Variants in KIF5C observed in about 807,000 individuals in gnomAD.
KIF5C encodes the protein kinesin heavy chain isoform 5C.
A neutral mutation model predicts 125.2 loss-of-function variants in KIF5C; 18 were observed. That is an observed-to-expected ratio of 0.14 (90% confidence interval 0.10 to 0.21). KIF5C has a LOEUF of 0.21. KIF5C is among the 10% of genes least tolerant of loss of function. The pLI is 1.00. For synonymous variants in KIF5C, 405 were observed against 434.0 expected (o/e 0.93, Z 0.83); for missense variants, 780 against 1,183.8 (o/e 0.66, Z 5.01).
intron 25 of KIF5C, among the ~76,000 whole-genome samples, chr2:149,019,888 A>C (rs1194315722): frequency 6.6e-6 from 1 of 152,190 alleles, no homozygotes; most frequent in Non-Finnish European, 1.5e-5. Context: ...CCTTCTAAAG[A>C]AAGGTGATTT....
intron 16 of KIF5C, among the ~76,000 whole-genome samples, chr2:148,993,764 T>A (rs979696194): frequency 6.6e-5 from 10 of 152,198 alleles, no homozygotes; most frequent in African/African-American, 2.4e-4. Flanking sequence ...CTCTCATTCA[T>A]CCATTCATTT....
chr2:148,942,829 G>T, intron 7 of KIF5C, 69 bp downstream of exon 7: 1 of 1,560,534 alleles, frequency 6.4e-7, no homozygotes, highest in South Asian at 1.2e-5. Flanking sequence ...AACCGAGGGG[G>T]GTGGGGAATT....
chr2:148,898,293 C>G (rs1323139983), intron 1 of KIF5C, among the ~76,000 whole-genome samples: 1 of 152,134 alleles, frequency 6.6e-6, no homozygotes, highest in Non-Finnish European at 1.5e-5. Flanking sequence ...TTGAATGTTA[C>G]CACCAAACCA....
In KIF5C at chr2:148,910,986, G is replaced by A. The variant is rs1681311960; in HGVS notation, c.127-11151G>A. Among the ~76,000 whole-genome samples, 5 of 152,296 alleles carry A rather than the reference G, an allele frequency of 3.3e-5. No individual in the cohort carries two copies. In the South Asian group the frequency reaches 1.0e-3, roughly 32 times the overall value. Reference sequence around the variant, plus strand: ...ACTGGGGATAGTGAAAGGAAGAGGTGGAGGAGAAGGAGGCAGAGAAGACAG... The same window carrying A: ...ACTGGGGATAGTGAAAGGAAGAGGTAGAGGAGAAGGAGGCAGAGAAGACAG... On this transcript the variant is annotated intron_variant, in intron 1 of 25. Transcript: ENST00000435030.
intron 15 of KIF5C, among the ~76,000 whole-genome samples, chr2:148,984,247 T>C (rs183936464): frequency 6.6e-6 from 1 of 152,362 alleles, no homozygotes; most frequent in Admixed American, 6.5e-5. Flanking sequence ...AAGTCTAAAA[T>C]CTTGCCACTC....
At chr2:148,892,245 A>G (rs550928261) in intron 1 of KIF5C, among the ~76,000 whole-genome samples, 3 of 152,342 alleles carry the variant, frequency 2.0e-5, no homozygotes, top group South Asian at 4.1e-4. Flanking sequence ...CTAAACTAGA[A>G]TTTCTCCGAG....
chr2:148,897,771 T>C (rs1680727156), intron 1 of KIF5C, among the ~76,000 whole-genome samples: 1 of 151,244 alleles, frequency 6.6e-6, no homozygotes, highest in African/African-American at 2.4e-5. Context: ...ATACAAAAAT[T>C]AGCTGGTTGT....
At chr2:148,985,406 C>T (rs1574813914) in intron 15 of KIF5C, among the ~76,000 whole-genome samples, 1 of 152,208 alleles carries the variant, frequency 6.6e-6, no homozygotes. Flanking sequence ...CCATCAGCAC[C>T]GTTAAGATAA....
At chr2:149,008,117 A>G (rs779335193) in intron 23 of KIF5C, 50 bp downstream of exon 23, 1 of 1,553,518 alleles carries the variant, frequency 6.4e-7, no homozygotes, top group African/African-American at 1.3e-5. Context: ...TCTCCTGGAA[A>G]GAAGCCCCAC....
Position 148,998,495 on chromosome 2 carries a change from T to C in KIF5C, c.2196T>C (p.Ile732=). ...AAATTGAGGAGAAGCAGAAAATCAT[T>C]GATGAGATTCGGGAGTGAGTCGGCC... ...RDEIEEKQKI[I]DEIRDLNQKL... The change falls in exon 19 of 26, where the codon ATT becomes ATC. Residue 732 remains isoleucine, a synonymous_variant. Coordinates refer to ENST00000435030, the MANE Select transcript of KIF5C (RefSeq NM_004522.3). The C allele has an allele frequency of 1.3e-6, 2 of 1,557,368 alleles. No individual in the cohort carries two copies. The highest frequency in any genetic ancestry group is 1.4e-5 in the African/African-American group (1 of 73,408).
At chr2:148,882,630 T>C (rs1395764888) in intron 1 of KIF5C, among the ~76,000 whole-genome samples, 1 of 152,152 alleles carries the variant, frequency 6.6e-6, no homozygotes, top group Non-Finnish European at 1.5e-5. Context: ...CCCAAATGCC[T>C]GGGGAGACTG....
intron 11 of KIF5C, among the ~76,000 whole-genome samples, chr2:148,965,576 AG>A (rs1033905133): frequency 2.0e-5 from 3 of 152,090 alleles, no homozygotes; most frequent in Non-Finnish European, 4.4e-5. Flanking sequence ...TGTCCCATGG[AG>A]GGGGCAGAGC....
At chr2:149,011,401 A>G (rs1682192057) in intron 24 of KIF5C, among the ~76,000 whole-genome samples, 169 bp from the exon 25 acceptor site, 1 of 152,246 alleles carries the variant, frequency 6.6e-6, no homozygotes, top group South Asian at 2.1e-4. Context: ...GGATTTGCTA[A>G]GTATACTGAT....
At chr2:148,917,875 G>A (rs1235396080) in intron 1 of KIF5C, among the ~76,000 whole-genome samples, 3 of 152,262 alleles carry the variant, frequency 2.0e-5, no homozygotes, top group South Asian at 2.1e-4. Flanking sequence ...GCTTGTTATT[G>A]GATTACTTCT....
In KIF5C at chr2:149,000,775, A is replaced by G. The variant is rs1291411535; in HGVS notation, c.2366A>G (p.Glu789Gly). The G allele has an allele frequency of 6.2e-7, 1 of 1,613,746 alleles. No homozygotes were observed. The highest frequency in any genetic ancestry group is 8.5e-7 in the Non-Finnish European group (1 of 1,179,826). ...QAREDLKGLE[E>G]TVSRELQTLH... Reference sequence around the variant, plus strand: ...AGAGAAGACCTCAAAGGGCTGGAGGAGACAGTGGTATGTCAAGATATTTCC... The same window carrying G: ...AGAGAAGACCTCAAAGGGCTGGAGGGGACAGTGGTATGTCAAGATATTTCC... The change falls in exon 21 of 26, where the codon GAG (glutamate) becomes GGG (glycine). Residue 789 changes from glutamate to glycine, a missense_variant. Around this residue, in one of 2 missense-constraint regions of KIF5C, gnomAD observed 573 missense variants for 742.6 expected, o/e 0.77. Coordinates refer to ENST00000435030, the MANE Select transcript of KIF5C (RefSeq NM_004522.3).
chr2:148,980,728 C>G (rs999904773), intron 13 of KIF5C, among the ~76,000 whole-genome samples: 4 of 147,706 alleles, frequency 2.7e-5, no homozygotes, highest in Non-Finnish European at 6.0e-5. Flanking sequence ...ATTATTTAGA[C>G]GAAGTCTTGC....
At chr2:149,018,881 G>C (rs996716896) in intron 25 of KIF5C, among the ~76,000 whole-genome samples, 36 of 151,322 alleles carry the variant, frequency 2.4e-4, no homozygotes, top group Non-Finnish European at 2.1e-4. Flanking sequence ...TATATATATG[G>C]GTTATATTTA....
chr2:148,925,603 G>T (rs1440033636), intron 2 of KIF5C, among the ~76,000 whole-genome samples: 1 of 152,168 alleles, frequency 6.6e-6, no homozygotes, highest in Non-Finnish European at 1.5e-5. Context: ...ACTCAAGCCT[G>T]GGCTTGTCAG....
At chr2:148,962,306 C>T (rs1003874687) in intron 11 of KIF5C, among the ~76,000 whole-genome samples, 187 bp downstream of exon 11, 5 of 151,798 alleles carry the variant, frequency 3.3e-5, no homozygotes, top group African/African-American at 4.8e-5. Context: ...GCTGGGATTA[C>T]AGGCGTGCAC....
Sources: allele counts gnomAD v4.1 joint callset (sites outside exome capture counted in the v4.1 genomes callset), GRCh38; gene constraint gnomAD v4.1.1; regional missense constraint gnomAD v4.1.1; transcripts MANE v1.5; gene names NCBI Gene and HGNC (gene_info 2026-07-23, HGNC 2026-07-21).